The following FGF7 variants were observed in gnomAD, a reference collection of about 807,000 sequenced individuals.
FGF7 encodes fibroblast growth factor 7.
In FGF7, 6 loss-of-function variants were observed where a neutral mutation model predicts 20.5. The ratio of observed to expected loss-of-function variants is 0.29; its 90% CI spans 0.16 to 0.58. The LOEUF (loss-of-function observed/expected upper bound fraction) is 0.58. FGF7 is among the 20% of genes least tolerant of loss of function. FGF7 has a pLI of 0.90. For missense variants in FGF7, 144 were observed against 228.8 expected, an observed-to-expected ratio of 0.63 and a Z score of 2.39; for synonymous variants, 64 against 74.7, an observed-to-expected ratio of 0.86 and a Z score of 0.74.
chr15:49,477,886 T>C (rs2055500344), intron 2 of FGF7, among the ~76,000 whole-genome samples: 3 of 152,202 alleles, frequency 2.0e-5, no homozygotes, highest in Non-Finnish European at 2.9e-5. Flanking sequence ...TGTACAGAGG[T>C]ATCTCATTGT....
At chr15:49,443,075 T>G (rs981959819) in intron 2 of FGF7, among the ~76,000 whole-genome samples, 3 of 151,714 alleles carry the variant, frequency 2.0e-5, no homozygotes, top group Admixed American at 2.0e-4. Flanking sequence ...TATATGGGAT[T>G]AGTTATAAGT....
In FGF7 at chr15:49,424,187, A is replaced by T; in HGVS notation, c.-111A>T. On this transcript the variant is annotated 5_prime_UTR_variant, in exon 2 of 4. It introduces an in-frame stop codon into an upstream open reading frame of the 5' UTR. Transcript: ENST00000267843. ...TTGGAAAGAGCAACTACTCTTTCTT[A>T]AATCAATCTACAATTCACAGATAGG... is the stretch of plus-strand genomic sequence containing the variant. 1 of 988,746 alleles carries T rather than the reference A, an allele frequency of 1.0e-6. No individual in the cohort carries two copies. Among genetic ancestry groups the T allele is most frequent in the Non-Finnish European group, 1.5e-6 (1 of 662,066 alleles). 61.2% of individuals were successfully genotyped at this position (988,746 alleles called of 1,614,324 possible). A position where few individuals can be genotyped will look rare whatever the true frequency, so the allele number is the denominator to read the frequency against.
At chr15:49,468,044 C>A (rs909582771) in intron 2 of FGF7, among the ~76,000 whole-genome samples, 7 of 152,112 alleles carry the variant, frequency 4.6e-5, no homozygotes, top group Admixed American at 3.9e-4. Context: ...AACTTAAATT[C>A]TTTCAAAAGA....
intron 2 of FGF7, among the ~76,000 whole-genome samples, chr15:49,427,346 A>T (rs940934344): frequency 7.2e-5 from 11 of 152,114 alleles, no homozygotes; most frequent in African/African-American, 2.6e-4. Flanking sequence ...TTTCCTTCCT[A>T]TTTTCATTAA....
chr15:49,459,101 A>G (rs551558785), intron 2 of FGF7, among the ~76,000 whole-genome samples: 2 of 152,330 alleles, frequency 1.3e-5, no homozygotes, highest in African/African-American at 4.8e-5. Context: ...ATTACTGAAT[A>G]TCTTCTGAGT....
At chr15:49,473,640 G>C (rs1385672418) in intron 2 of FGF7, among the ~76,000 whole-genome samples, 2 of 152,016 alleles carry the variant, frequency 1.3e-5, no homozygotes, top group Non-Finnish European at 2.9e-5. Flanking sequence ...TATTTATGGA[G>C]CACTATTTAC....
intron 2 of FGF7, among the ~76,000 whole-genome samples, chr15:49,454,167 T>A (rs10519227): frequency 0.2 from 30,291 of 151,984 alleles, 3,273 homozygotes; most frequent in South Asian, 0.33. Flanking sequence ...AGTGAATGAT[T>A]TATTGAAGGT....
intron 2 of FGF7, among the ~76,000 whole-genome samples, chr15:49,471,959 C>T (rs1410426789): frequency 2.0e-5 from 3 of 151,054 alleles, no homozygotes; most frequent in African/African-American, 7.3e-5. Context: ...AAGTGAAAGA[C>T]ATGACAGCAC....
chr15:49,458,241 T>C (rs2053491241), intron 2 of FGF7, among the ~76,000 whole-genome samples: 1 of 151,978 alleles, frequency 6.6e-6, no homozygotes, highest in Non-Finnish European at 1.5e-5. Context: ...TGAATGTATA[T>C]TTATTCATTT....
chr15:49,444,317 G>A (rs571311786), intron 2 of FGF7, among the ~76,000 whole-genome samples: 1 of 151,714 alleles, frequency 6.6e-6, no homozygotes, highest in East Asian at 1.9e-4. Flanking sequence ...TAACATTTCA[G>A]TAAAACATGC....
chr15:49,468,218 TA>T (rs963303063), intron 2 of FGF7, among the ~76,000 whole-genome samples: 1 of 152,146 alleles, frequency 6.6e-6, no homozygotes, highest in Non-Finnish European at 1.5e-5. Context: ...ATGGGATTAA[TA>T]AGAAGTATGT....
At chr15:49,466,552 T>A (rs2054284085) in intron 2 of FGF7, among the ~76,000 whole-genome samples, 1 of 152,130 alleles carries the variant, frequency 6.6e-6, no homozygotes, top group Non-Finnish European at 1.5e-5. Context: ...CACTGAAACT[T>A]TTGAAGCAGA....
chr15:49,439,335 A>AGG (rs1473940994), intron 2 of FGF7, among the ~76,000 whole-genome samples: 1 of 151,624 alleles, frequency 6.6e-6, no homozygotes, highest in African/African-American at 2.4e-5. Flanking sequence ...AGAGAGAGAG[A>AGG]GAATCTTTAA....
At chr15:49,450,406 T>A (rs2052617434) in intron 2 of FGF7, among the ~76,000 whole-genome samples, 1 of 152,090 alleles carries the variant, frequency 6.6e-6, no homozygotes, top group Non-Finnish European at 1.5e-5. Context: ...TTTTTTCCCT[T>A]ATACTGACCC....
At chr15:49,480,119 C>T (rs1567360872) in intron 2 of FGF7, among the ~76,000 whole-genome samples, 1 of 152,176 alleles carries the variant, frequency 6.6e-6, no homozygotes, top group Non-Finnish European at 1.5e-5. Context: ...ATGCTCTTCC[C>T]AAGCAATTGT....
chr15:49,453,433 C>T (rs1053327036), intron 2 of FGF7, among the ~76,000 whole-genome samples: 1 of 152,050 alleles, frequency 6.6e-6, no homozygotes. Flanking sequence ...AGATATTTTA[C>T]ATTCTTTCTT....
chr15:49,441,984 G>A (rs2051696549), intron 2 of FGF7, among the ~76,000 whole-genome samples: 1 of 151,118 alleles, frequency 6.6e-6, no homozygotes, highest in Non-Finnish European at 1.5e-5. Context: ...TTGAGGGCGG[G>A]GAACTTTTCT....
intron 2 of FGF7, among the ~76,000 whole-genome samples, chr15:49,437,165 ATATAT>A (rs1246949985): frequency 6.6e-6 from 1 of 151,578 alleles, no homozygotes; most frequent in Non-Finnish European, 1.5e-5. Context: ...CAGACACTAC[ATATAT>A]TATATATTAA....
chr15:49,443,017 C>G (rs2051818023), intron 2 of FGF7, among the ~76,000 whole-genome samples: 1 of 151,658 alleles, frequency 6.6e-6, no homozygotes, highest in African/African-American at 2.4e-5. Context: ...AGCACAATTC[C>G]TGGCACATAT....
Sources: gnomAD v4.1 joint callset for allele counts (sites outside exome capture counted in the v4.1 genomes callset) on GRCh38, gnomAD v4.1.1 for gene constraint, MANE v1.5 for transcripts, NCBI Gene and HGNC (gene_info 2026-07-23, HGNC 2026-07-21) for gene names.